EYS: variants seen among roughly 807,000 people sequenced by gnomAD.
EYS encodes EGF-like photoreceptor maintenance factor, also known as protein eyes shut homolog.
Under a neutral mutation model 282.1 loss-of-function variants are expected in EYS, and 250 were observed. The observed-to-expected ratio is 0.89, with a 90% CI of 0.80 to 0.98. The LOEUF (loss-of-function observed/expected upper bound fraction) is 0.98. Ranked by LOEUF, EYS falls within the 50% of genes least tolerant of loss-of-function variation. EYS has a pLI of 0.00. For synonymous variants in EYS, 1,355 were observed against 1,282.9 expected, an observed-to-expected ratio of 1.06 and a Z score of -1.20; for missense variants, 4,016 against 3,709.0, an observed-to-expected ratio of 1.08 and a Z score of -2.15.
intron 35 of EYS, among the ~76,000 whole-genome samples, chr6:63,977,004 T>C (rs927906416): frequency 6.6e-6 from 1 of 151,892 alleles, no homozygotes; most frequent in African/African-American, 2.4e-5. Flanking sequence ...TTAATTGTAC[T>C]ACAGTTTTTG....
intron 19 of EYS, among the ~76,000 whole-genome samples, chr6:64,840,547 C>A (rs1463305820): frequency 1.3e-5 from 2 of 152,024 alleles, no homozygotes; most frequent in Non-Finnish European, 2.9e-5. Flanking sequence ...GGAAAGATGG[C>A]AGAGGACTTC....
At chr6:65,209,495 T>C (rs1052112323) in intron 12 of EYS, among the ~76,000 whole-genome samples, 10 of 151,984 alleles carry the variant, frequency 6.6e-5, no homozygotes, top group Non-Finnish European at 1.3e-4. Context: ...TATTTTCATA[T>C]CCTTGAGCCC....
At chr6:63,924,011 CT>C (rs952129450) in intron 35 of EYS, among the ~76,000 whole-genome samples, 202 of 148,598 alleles carry the variant, frequency 1.4e-3, no homozygotes, top group South Asian at 1.7e-3. Context: ...TCATAGATCT[CT>C]TTTTTTTTTC....
chr6:64,930,184 A>C (rs1333036148), intron 15 of EYS, among the ~76,000 whole-genome samples: 1 of 152,128 alleles, frequency 6.6e-6, no homozygotes, highest in Admixed American at 6.6e-5. Context: ...ATATATACAG[A>C]GGCATATATA....
chr6:63,898,332 C>CA (rs1056667829), intron 35 of EYS, among the ~76,000 whole-genome samples: 46 of 151,474 alleles, frequency 3.0e-4, no homozygotes, highest in African/African-American at 1.1e-3. Flanking sequence ...ACGAAAAATA[C>CA]AAAAAAAATT....
At chr6:63,851,998 A>T (rs1405609112) in intron 36 of EYS, among the ~76,000 whole-genome samples, 2 of 151,922 alleles carry the variant, frequency 1.3e-5, no homozygotes, top group Non-Finnish European at 2.9e-5. Context: ...TCTACTAAAA[A>T]TACAAAAAAT....
At chr6:64,529,527 T>C (rs1467038519) in intron 26 of EYS, among the ~76,000 whole-genome samples, 2 of 152,048 alleles carry the variant, frequency 1.3e-5, no homozygotes, top group Non-Finnish European at 2.9e-5. Flanking sequence ...TGCTTTTTCA[T>C]TAAGTAAATG....
At chr6:65,373,770 T>C (rs1159391838) in intron 8 of EYS, among the ~76,000 whole-genome samples, 1 of 152,142 alleles carries the variant, frequency 6.6e-6, no homozygotes, top group African/African-American at 2.4e-5. Flanking sequence ...TCCTTTACAA[T>C]AAATAATATT....
rs1769669798 is a variant in EYS, at chr6:63,762,523, GA to G, written c.8008del (p.Ser2670HisfsTer12). On this transcript the variant is annotated frameshift_variant, in exon 41 of 43. Transcript: ENST00000503581. LOFTEE classifies it high-confidence loss of function. ...GAAACAGGTGTATCCATGAGGTAAT[GA>G]AATGCAGGTTGCTCCTCTGCTACAG... ...HHCSRGATCI[S>X]LPHGYTCFCP... 2.6e-6 allele frequency: 4 copies of G among 1,550,408 alleles called. No homozygotes were observed. Among genetic ancestry groups the G allele is most frequent in the Non-Finnish European group, 3.5e-6 (4 of 1,146,092 alleles).
intron 12 of EYS, among the ~76,000 whole-genome samples, chr6:65,086,026 T>A (rs1315959182): frequency 7.0e-6 from 1 of 142,008 alleles, no homozygotes; most frequent in Admixed American, 6.9e-5. Flanking sequence ...CACCTTCTCC[T>A]CTTTTTTTTT....
At chr6:64,987,298 T>C (rs1770890722) in intron 14 of EYS, among the ~76,000 whole-genome samples, 1 of 151,446 alleles carries the variant, frequency 6.6e-6, no homozygotes, top group Admixed American at 6.6e-5. Flanking sequence ...ATAAAATGCT[T>C]AGAAACATAA....
intron 11 of EYS, among the ~76,000 whole-genome samples, chr6:65,325,769 C>T (rs1475264604): frequency 2.0e-5 from 3 of 152,110 alleles, no homozygotes; most frequent in Admixed American, 2.0e-4. Context: ...TAATTAGTGT[C>T]GAGATCATTT....
intron 1 of EYS, among the ~76,000 whole-genome samples, chr6:65,704,373 G>A (rs993432255): frequency 6.6e-6 from 1 of 152,166 alleles, no homozygotes; most frequent in Non-Finnish European, 1.5e-5. Flanking sequence ...CAGACTAATA[G>A]TCTTAAACCA....
intron 26 of EYS, among the ~76,000 whole-genome samples, chr6:64,480,776 A>C (rs1478610610): frequency 1.3e-5 from 2 of 151,770 alleles, no homozygotes; most frequent in South Asian, 2.1e-4. Context: ...CAACTTGTTA[A>C]TTTGGCTGGC....
At chr6:65,080,937 A>T (rs1003126935) in intron 12 of EYS, among the ~76,000 whole-genome samples, 1 of 152,118 alleles carries the variant, frequency 6.6e-6, no homozygotes, top group African/African-American at 2.4e-5. Flanking sequence ...TTAAAAATAC[A>T]TCTCTTCAGG....
chr6:65,421,128 T>C (rs1247137078), intron 5 of EYS, among the ~76,000 whole-genome samples: 2 of 151,910 alleles, frequency 1.3e-5, no homozygotes, highest in Non-Finnish European at 2.9e-5. Context: ...AAAGTCAGCA[T>C]TGACTTTTCC....
chr6:65,073,649 T>C, intron 12 of EYS, among the ~76,000 whole-genome samples: 1 of 151,768 alleles, frequency 6.6e-6, no homozygotes, highest in Non-Finnish European at 1.5e-5. Flanking sequence ...ATATATACTT[T>C]TTAATATTTT....
intron 15 of EYS, among the ~76,000 whole-genome samples, chr6:64,921,500 T>G (rs1194480741): frequency 6.6e-6 from 1 of 152,176 alleles, no homozygotes; most frequent in African/African-American, 2.4e-5. Context: ...AAGGGTCACC[T>G]GTCTCACAGG....
intron 8 of EYS, among the ~76,000 whole-genome samples, chr6:65,372,945 T>C (rs934628099): frequency 6.6e-6 from 1 of 152,168 alleles, no homozygotes; most frequent in Non-Finnish European, 1.5e-5. Context: ...TTATTCTTCA[T>C]AAAATTTCAT....
Sources: gnomAD v4.1 joint callset for allele counts (sites outside exome capture counted in the v4.1 genomes callset) on GRCh38, gnomAD v4.1.1 for gene constraint, MANE v1.5 for transcripts, NCBI Gene and HGNC (gene_info 2026-07-23, HGNC 2026-07-21) for gene names.